The following PALS1 variants were observed in gnomAD, a reference collection of about 807,000 sequenced individuals.
The protein encoded by PALS1 is protein PALS1.
Under a neutral mutation model 78.9 loss-of-function variants are expected in PALS1, and 31 were observed. The ratio of observed to expected loss-of-function variants is 0.39; its 90% CI spans 0.30 to 0.53. PALS1 has a LOEUF of 0.53. Among genes scored for constraint, PALS1 ranks in the 20% least tolerant of loss-of-function variants. The pLI is 0.67. For synonymous variants in PALS1, 276 were observed against 270.9 expected (o/e 1.02, Z -0.18); for missense variants, 704 against 826.5 (o/e 0.85, Z 1.82).
chr14:67,248,223 A>G (rs533246485), intron 1 of PALS1, among the ~76,000 whole-genome samples: 15 of 152,270 alleles, frequency 9.9e-5, no homozygotes, highest in African/African-American at 2.2e-4. Flanking sequence ...ATATACATTA[A>G]CATTTATTCT....
At chr14:67,320,464 A>C in intron 12 of PALS1, 67 bp downstream of exon 12, 184 of 1,388,898 alleles carry the variant, frequency 1.3e-4, no homozygotes, top group Non-Finnish European at 1.6e-4. Context: ...TAACTATATC[A>C]TGTAGGGAAA....
chr14:67,261,182 A>G (rs1323505965), intron 1 of PALS1, among the ~76,000 whole-genome samples: 1 of 152,190 alleles, frequency 6.6e-6, no homozygotes, highest in Non-Finnish European at 1.5e-5. Context: ...GACAATAAAA[A>G]CTTGAAAAGG....
chr14:67,298,370 T>G (rs7149826), intron 4 of PALS1, among the ~76,000 whole-genome samples: 12,089 of 151,670 alleles, frequency 0.08, 1,134 homozygotes, highest in African/African-American at 0.23. Flanking sequence ...AAAAAACTAG[T>G]TGGGTGTGGT....
chr14:67,294,440 G>A (rs1476546928), intron 4 of PALS1: 1 of 151,522 alleles, frequency 6.6e-6, no homozygotes, highest in Admixed American at 6.6e-5. Context: ...CAACTCCCCT[G>A]TTTCACATTC....
At chr14:67,294,505 T>C (rs1285231462) in intron 4 of PALS1, 1 of 152,040 alleles carries the variant, frequency 6.6e-6, no homozygotes, top group Non-Finnish European at 1.5e-5. Flanking sequence ...AGAAATTTAG[T>C]GAAACATTCA....
chr14:67,312,364 G>A lies in PALS1; in HGVS notation c.1042-163G>A, dbSNP rs145020366. On this transcript the variant is annotated intron_variant, in intron 8 of 14. Transcript: ENST00000261681. The stretch of plus-strand genomic sequence containing the variant: ...AGGCTGAGGGAGAAGGATCGCTTGA[G>A]GCTAGAAATTTGAGATTATCCTGGA... Among the ~76,000 whole-genome samples, 422 of 152,144 alleles carry A rather than the reference G, an allele frequency of 2.8e-3. 2 individuals are homozygous for A. Among genetic ancestry groups the A allele is most frequent in the African/African-American group, 9.7e-3 (402 of 41,514 alleles).
At chr14:67,245,907 C>T (rs1294398611) in intron 1 of PALS1, among the ~76,000 whole-genome samples, 1 of 151,730 alleles carries the variant, frequency 6.6e-6, no homozygotes, top group Non-Finnish European at 1.5e-5. Flanking sequence ...ATTTTTAGAT[C>T]TATGTTCCAT....
chr14:67,334,310 G>A lies in PALS1; in HGVS notation c.*1354G>A, dbSNP rs952298234. ...CTTTAAAATTCAACGTATATAATTG[G>A]CATGGAAACTTAATTTGCAGTCTTT... On this transcript the variant is annotated 3_prime_UTR_variant, in exon 15 of 15. Coordinates refer to ENST00000261681, the MANE Select transcript of PALS1 (RefSeq NM_022474.4). 1 of 152,528 alleles carries A rather than the reference G, an allele frequency of 6.6e-6. No individual in the cohort carries two copies. The highest frequency in any genetic ancestry group is 2.4e-5 in the African/African-American group (1 of 41,404). 9.4% of individuals were successfully genotyped at this position (152,528 alleles called of 1,614,324 possible).
At chr14:67,243,067 A>G (rs1358843380) in intron 1 of PALS1, among the ~76,000 whole-genome samples, 1 of 152,208 alleles carries the variant, frequency 6.6e-6, no homozygotes, top group Middle Eastern at 3.2e-3. Flanking sequence ...CCATTCCAAG[A>G]AATTTGATCA....
chr14:67,243,509 T>C (rs923149036), intron 1 of PALS1, among the ~76,000 whole-genome samples: 7 of 141,782 alleles, frequency 4.9e-5, no homozygotes, highest in Non-Finnish European at 9.2e-5. Context: ...TTTTTTTTTT[T>C]TGAGACGGAG....
At chr14:67,305,924 A>C (rs2084994936) in intron 8 of PALS1, among the ~76,000 whole-genome samples, 1 of 152,204 alleles carries the variant, frequency 6.6e-6, no homozygotes, top group Non-Finnish European at 1.5e-5. Context: ...TTAAAAAGGA[A>C]GAAAGTGGGA....
At position 67,317,492 on chromosome 14, in the gene PALS1, C is replaced by G. The variant is rs775474310; in HGVS notation, c.1369+13C>G. 10 of 1,569,196 alleles carry G rather than the reference C, an allele frequency of 6.4e-6. No individual in the cohort carries two copies. Among genetic ancestry groups the G allele is most frequent in the Non-Finnish European group, 8.7e-6 (10 of 1,143,144 alleles). ...AATAAAAATGATGGTAAGTTCTACTCTCAGGGATAGGTGGAATTATATCTG... is the reference window on the plus strand; with the variant it reads ...AATAAAAATGATGGTAAGTTCTACTGTCAGGGATAGGTGGAATTATATCTG... On this transcript the variant is annotated intron_variant, in intron 11 of 14. Transcript: ENST00000261681.
At chr14:67,267,508 C>T (rs2084347883) in intron 1 of PALS1, among the ~76,000 whole-genome samples, 1 of 152,072 alleles carries the variant, frequency 6.6e-6, no homozygotes, top group African/African-American at 2.4e-5. Context: ...ACCTTGGCCT[C>T]CCAAAGTGCT....
intron 1 of PALS1, among the ~76,000 whole-genome samples, chr14:67,262,057 A>G (rs1310018350): frequency 6.6e-6 from 1 of 152,118 alleles, no homozygotes; most frequent in African/African-American, 2.4e-5. Flanking sequence ...ATTTTAGTTA[A>G]TGTTCTATTG....
chr14:67,312,041 G>A (rs2085098155), intron 8 of PALS1: 1 of 152,628 alleles, frequency 6.6e-6, no homozygotes, highest in Non-Finnish European at 1.5e-5. Context: ...AGTAGCTGTG[G>A]TTTGGAAATT....
chr14:67,319,378 T>C (rs2085228185), intron 11 of PALS1, among the ~76,000 whole-genome samples: 2 of 152,218 alleles, frequency 1.3e-5, no homozygotes, highest in Admixed American at 1.3e-4. Flanking sequence ...TTAGGAATGT[T>C]ACCCCACCTG....
In PALS1 at chr14:67,333,135, G is replaced by A; in HGVS notation, c.*179G>A. 6 of 537,010 alleles carry A rather than the reference G, an allele frequency of 1.1e-5. No homozygotes were observed. 33.3% of individuals were successfully genotyped at this position (537,010 alleles called of 1,614,324 possible). On this transcript the variant is annotated 3_prime_UTR_variant, in exon 15 of 15. Coordinates refer to ENST00000261681, the MANE Select transcript of PALS1 (RefSeq NM_022474.4). ...AGTTCCCTTAGGCAGTTTGTGCATG[G>A]CATCCTTTATTCTCTATACATGGCT... is the stretch of plus-strand genomic sequence containing the variant.
chr14:67,307,475 C>A (rs34298526), intron 8 of PALS1, among the ~76,000 whole-genome samples: 2 of 152,148 alleles, frequency 1.3e-5, no homozygotes, highest in African/African-American at 2.4e-5. Flanking sequence ...TTGTTTAATA[C>A]ATATAAGCTA....
intron 8 of PALS1, among the ~76,000 whole-genome samples, chr14:67,304,667 A>C (rs2084975494): frequency 6.6e-6 from 1 of 152,170 alleles, no homozygotes; most frequent in Non-Finnish European, 1.5e-5. Flanking sequence ...ATTACTAATC[A>C]GTACCAAGTT....
Sources: gnomAD v4.1 joint callset for allele counts (sites outside exome capture counted in the v4.1 genomes callset) on GRCh38, gnomAD v4.1.1 for gene constraint, MANE v1.5 for transcripts, NCBI Gene and HGNC (gene_info 2026-07-23, HGNC 2026-07-21) for gene names.